LPP: variants seen among roughly 807,000 people sequenced by gnomAD.
The protein encoded by LPP is lipoma-preferred partner.
Under a neutral mutation model 60.4 loss-of-function variants are expected in LPP, and 38 were observed. That is an observed-to-expected ratio of 0.63 (90% CI 0.49 to 0.83). The LOEUF is 0.83. LPP is among the 40% of genes least tolerant of loss of function. LPP has a pLI of 0.00. For missense variants in LPP, 902 were observed against 783.6 expected, an observed-to-expected ratio of 1.15 and a Z score of -1.80; for synonymous variants, 328 against 290.8, an observed-to-expected ratio of 1.13 and a Z score of -1.30.
At chr3:188,319,827 T>C (rs1387063368) in intron 2 of LPP, among the ~76,000 whole-genome samples, 1 of 152,252 alleles carries the variant, frequency 6.6e-6, no homozygotes, top group Non-Finnish European at 1.5e-5. Context: ...TTCCAGTTTT[T>C]CCACTAATGC....
intron 2 of LPP, among the ~76,000 whole-genome samples, chr3:188,297,523 CTA>C (rs886850177): frequency 6.6e-6 from 1 of 152,118 alleles, no homozygotes; most frequent in Non-Finnish European, 1.5e-5. Context: ...AAATGAGAGA[CTA>C]TATGTTGCTT....
At chr3:188,444,536 A>G (rs1438458321) in intron 4 of LPP, among the ~76,000 whole-genome samples, 1 of 152,196 alleles carries the variant, frequency 6.6e-6, no homozygotes, top group Admixed American at 6.5e-5. Flanking sequence ...TGACCCTAGA[A>G]GAAAACCTAG....
rs529086026 is a variant in LPP at position 188,251,510 on chromosome 3, A to G, written c.-67+25983A>G. Reference sequence around the variant, plus strand: ...TGACTGGAGCTAGGAAATTTTATATATAAAAATATATATGTAAACAAAACC... The same window carrying G: ...TGACTGGAGCTAGGAAATTTTATATGTAAAAATATATATGTAAACAAAACC... On this transcript the variant is annotated intron_variant, in intron 2 of 11. Transcript: ENST00000617246. 2.0e-5 allele frequency among the ~76,000 whole-genome samples: 3 copies of G among 152,280 alleles called. No individual in the cohort carries two copies. The South Asian group carries it at 6.2e-4, about 32-fold the overall frequency.
chr3:188,519,316 C>G (rs1449600746), intron 5 of LPP, among the ~76,000 whole-genome samples: 2 of 152,152 alleles, frequency 1.3e-5, no homozygotes, highest in Non-Finnish European at 2.9e-5. Flanking sequence ...TCCTGCCTGA[C>G]TTATTTAATC....
At chr3:188,753,599 G>GTT (rs1280135632) in intron 8 of LPP, among the ~76,000 whole-genome samples, 1 of 151,574 alleles carries the variant, frequency 6.6e-6, no homozygotes, top group Non-Finnish European at 1.5e-5. Context: ...GTGTGTGTGT[G>GTT]TGTGTGTGTG....
chr3:188,516,707 G>C (rs1282705204), intron 5 of LPP, among the ~76,000 whole-genome samples: 1 of 148,064 alleles, frequency 6.8e-6, no homozygotes, highest in African/African-American at 2.6e-5. Flanking sequence ...ACCATCACTG[G>C]GGATGTTGAG....
chr3:188,702,339 T>C (rs576674484), intron 7 of LPP, among the ~76,000 whole-genome samples: 1 of 124,636 alleles, frequency 8.0e-6, no homozygotes, highest in African/African-American at 2.6e-5. Flanking sequence ...TTCTTCTTCT[T>C]CTTTTTTTTT....
chr3:188,518,290 C>A (rs188725280), intron 5 of LPP, among the ~76,000 whole-genome samples: 153 of 151,926 alleles, frequency 1.0e-3, no homozygotes, highest in African/African-American at 3.6e-3. Flanking sequence ...ACATTACTGA[C>A]CATAATAGAA....
At chr3:188,241,329 C>G (rs1724720853) in intron 2 of LPP, among the ~76,000 whole-genome samples, 1 of 152,220 alleles carries the variant, frequency 6.6e-6, no homozygotes, top group African/African-American at 2.4e-5. Context: ...CCGCTGTGTG[C>G]TGGACAGCCC....
chr3:188,356,898 T>G (rs1767756304), intron 3 of LPP, among the ~76,000 whole-genome samples: 1 of 152,224 alleles, frequency 6.6e-6, no homozygotes, highest in Non-Finnish European at 1.5e-5. Flanking sequence ...TTCAACTGCT[T>G]CTGGTCAAGA....
chr3:188,584,400 A>G (rs1391473158), intron 6 of LPP: 1 of 152,170 alleles, frequency 6.6e-6, no homozygotes, highest in Non-Finnish European at 1.5e-5. Flanking sequence ...GTAGGTTGCG[A>G]AAGTGATTAA....
intron 4 of LPP, among the ~76,000 whole-genome samples, chr3:188,449,835 C>G (rs376633271): frequency 6.6e-6 from 1 of 152,082 alleles, no homozygotes; most frequent in South Asian, 2.1e-4. Flanking sequence ...GACAGAGTCT[C>G]GTTCTGTCAC....
At chr3:188,438,108 A>G (rs1248140629) in intron 4 of LPP, among the ~76,000 whole-genome samples, 4 of 152,110 alleles carry the variant, frequency 2.6e-5, no homozygotes, top group Non-Finnish European at 5.9e-5. Flanking sequence ...CCTGGATATA[A>G]TATCCTTTTG....
rs1553782707 is a variant in LPP, at chr3:188,657,258, G to GTGTATATA, written c.1113+47415_1113+47416insGTATATAT. 5.6e-5 allele frequency among the ~76,000 whole-genome samples: 5 copies of GTGTATATA among 89,838 alleles called. No individual in the cohort carries two copies. In the East Asian group the frequency reaches 1.5e-3, roughly 28 times the overall value. The allele number at this position is 89,838 out of a possible 152,430, so 58.9% of individuals were successfully genotyped here. A position where few individuals can be genotyped will look rare whatever the true frequency, so the allele number is the denominator to read the frequency against. On this transcript the variant is annotated intron_variant, in intron 7 of 11. Coordinates refer to ENST00000617246, the MANE Select transcript of LPP (RefSeq NM_001375462.1). Reference sequence around the variant, plus strand: ...ATAAGTTTTCAAGAGCTGTCAAGGTGTATATATATATATATATATATATTT... The same window carrying GTGTATATA: ...ATAAGTTTTCAAGAGCTGTCAAGGTGTGTATATATATATATATATATATATATATATTT...
chr3:188,240,569 A>T (rs1724041768), intron 2 of LPP, among the ~76,000 whole-genome samples: 2 of 152,168 alleles, frequency 1.3e-5, no homozygotes, highest in Admixed American at 6.5e-5. Flanking sequence ...CTTTATTCAA[A>T]CTCATTCCAC....
chr3:188,368,847 C>T (rs530212546), intron 3 of LPP, among the ~76,000 whole-genome samples: 11 of 152,160 alleles, frequency 7.2e-5, no homozygotes, highest in African/African-American at 2.6e-4. Flanking sequence ...TCATCTACCT[C>T]GGGTCAGTCC....
chr3:188,804,893 G>A (rs1217629553), intron 9 of LPP, among the ~76,000 whole-genome samples: 2 of 151,846 alleles, frequency 1.3e-5, no homozygotes, highest in Non-Finnish European at 2.9e-5. Context: ...TTTTCTGGGA[G>A]GTTTAATCAT....
At chr3:188,383,735 T>G (rs1777486225) in intron 3 of LPP, among the ~76,000 whole-genome samples, 1 of 152,152 alleles carries the variant, frequency 6.6e-6, no homozygotes, top group Non-Finnish European at 1.5e-5. Context: ...TGCAGAATAA[T>G]TTACTTCTTT....
intron 5 of LPP, among the ~76,000 whole-genome samples, chr3:188,513,649 A>G (rs1816488815): frequency 6.6e-6 from 1 of 151,862 alleles, no homozygotes; most frequent in South Asian, 2.1e-4. Flanking sequence ...TTTTTATTTT[A>G]TAAGGATTGG....
Sources: gnomAD v4.1 joint callset for allele counts (sites outside exome capture counted in the v4.1 genomes callset) on GRCh38, gnomAD v4.1.1 for gene constraint, MANE v1.5 for transcripts, NCBI Gene and HGNC (gene_info 2026-07-23, HGNC 2026-07-21) for gene names.